Variants in SHANK2 observed in about 807,000 individuals in gnomAD.
SHANK2 encodes the protein SH3 and multiple ankyrin repeat domains protein 2.
A neutral mutation model predicts 133.7 loss-of-function variants in SHANK2; 43 were observed. That is an observed-to-expected ratio of 0.32 (90% confidence interval 0.25 to 0.41). The LOEUF (loss-of-function observed/expected upper bound fraction) is 0.41. Ranked by LOEUF, SHANK2 falls within the 10% of genes least tolerant of loss-of-function variation. SHANK2 has a pLI of 1.00. For missense variants in SHANK2, 1,994 were observed against 2,235.8 expected (o/e 0.89, Z 2.18); for synonymous variants, 1,017 against 952.8 (o/e 1.07, Z -1.24).
In SHANK2 at chr11:70,485,411, T is replaced by G; in HGVS notation, c.4882A>C (p.Asn1628His). 6.2e-7 allele frequency: 1 copy of G among 1,614,058 alleles called. No homozygotes were observed. The highest frequency in any genetic ancestry group is 8.5e-7 in the Non-Finnish European group (1 of 1,180,032). Residue 1628 changes from asparagine to histidine, a missense_variant, in exon 25 of 26, where the codon AAC becomes CAC. Around this residue, in one of 5 missense-constraint regions of SHANK2, gnomAD observed 797 missense variants for 907.4 expected, o/e 0.88. Coordinates refer to ENST00000601538, the MANE Select transcript of SHANK2 (RefSeq NM_012309.5). The surrounding 1 kb of genome is among the most constrained non-coding windows in gnomAD (Gnocchi z 5.8). ...GPKANVISEL[N>H]SILQQMNREK... is the part of the protein sequence containing the mutation. ...CGGTTCATTTGCTGTAGGATAGAGTTCAATTCACTAATAACGTTTGCCTTT... is the reference window on the plus strand; with the variant it reads ...CGGTTCATTTGCTGTAGGATAGAGTGCAATTCACTAATAACGTTTGCCTTT...
intron 6 of SHANK2, among the ~76,000 whole-genome samples, chr11:71,108,405 C>T (rs78679999): frequency 0.022 from 3,321 of 152,320 alleles, 128 homozygotes; most frequent in African/African-American, 0.077. Flanking sequence ...CACTGCCTGC[C>T]CCACAGCTGA....
chr11:70,952,606 G>T lies in SHANK2; in HGVS notation c.1108-56039C>A. On this transcript the variant is annotated intron_variant, in intron 10 of 25. Transcript: ENST00000601538. The stretch of plus-strand genomic sequence containing the variant: ...AAACTGTTCTCAAGTTGGCTCCTAT[G>T]CCGTGGCTTTTCTGTGTGGCTTTCG... The T allele has an allele frequency of 1.2e-5, 3 of 256,156 alleles. 1 individual carries two copies. Among genetic ancestry groups the T allele is most frequent in the South Asian group, 1.1e-4 (3 of 26,466 alleles). The allele number at this position is 256,156 out of a possible 1,614,324, so 15.9% of individuals were successfully genotyped here.
intron 11 of SHANK2, among the ~76,000 whole-genome samples, chr11:70,839,253 G>T (rs1452759863): frequency 1.3e-5 from 2 of 152,190 alleles, no homozygotes; most frequent in Non-Finnish European, 2.9e-5. Flanking sequence ...AAACATGTGG[G>T]CTCCAGAACT....
At chr11:71,241,984 C>G (rs1392092335) in intron 1 of SHANK2, among the ~76,000 whole-genome samples, 4 of 152,168 alleles carry the variant, frequency 2.6e-5, no homozygotes, top group Non-Finnish European at 4.4e-5. Context: ...GTGAAGCCAC[C>G]CAGGTCCTCA....
intron 17 of SHANK2, among the ~76,000 whole-genome samples, chr11:70,641,849 T>A (rs189067792): frequency 1.3e-5 from 2 of 152,248 alleles, no homozygotes; most frequent in African/African-American, 4.8e-5. Flanking sequence ...ACACCCGAGA[T>A]CCCTGGGCTG....
rs531907782 is a variant in SHANK2, at chr11:71,114,786, T to A, written c.412-1422A>T. 2.2e-4 allele frequency among the ~76,000 whole-genome samples: 33 copies of A among 152,214 alleles called. No homozygotes were observed. The South Asian group carries it at 6.7e-3, about 31-fold the overall frequency. ...TCCAGATTTCAGAAGCCACTGAGAA[T>A]GATGCCAGGTGCCTTCTCAGGCTCA... On this transcript the variant is annotated intron_variant, in intron 4 of 25. Coordinates refer to ENST00000601538, the MANE Select transcript of SHANK2 (RefSeq NM_012309.5).
chr11:71,187,036 C>T (rs782799201), intron 2 of SHANK2, among the ~76,000 whole-genome samples: 2 of 152,238 alleles, frequency 1.3e-5, no homozygotes, highest in Non-Finnish European at 2.9e-5. Context: ...GAGAAACTAG[C>T]TTGGTTTCTA....
rs138838374 is a variant in SHANK2 at position 70,502,822 on chromosome 11, T to C, written c.2171A>G (p.Asp724Gly). 3.4e-6 allele frequency: 5 copies of C among 1,490,538 alleles called. No homozygotes were observed. Among genetic ancestry groups the C allele is most frequent in the African/African-American group, 1.5e-5 (1 of 64,936 alleles). 92.3% of individuals were successfully genotyped at this position (1,490,538 alleles called of 1,614,324 possible). A position where few individuals can be genotyped will look rare whatever the true frequency, so the allele number is the denominator to read the frequency against. The change falls in exon 18 of 26, where the codon GAC becomes GGC. Residue 724 changes from aspartate to glycine, a missense_variant. Around this residue, in one of 5 missense-constraint regions of SHANK2, gnomAD observed 488 missense variants for 642.6 expected, o/e 0.76. Coordinates refer to ENST00000601538, the MANE Select transcript of SHANK2 (RefSeq NM_012309.5). ...TTTCTTCCTGGCGGTGTCGTCGGGG[T>C]CCAGATTCCTGGTCACCGTGACCAC... is the stretch of plus-strand genomic sequence containing the variant. The part of the protein sequence containing the change: ...LKVVTVTRNL[D>G]PDDTARKKAP...
In SHANK2 at chr11:70,485,544, C is replaced by T. The variant is rs373358504; in HGVS notation, c.4749G>A (p.Pro1583=). 9.1e-5 allele frequency: 146 copies of T among 1,610,428 alleles called. No individual in the cohort carries two copies. The African/African-American group carries it at 1.4e-3, about 16-fold the overall frequency. Reference sequence around the variant, plus strand: ...CAGGCTGGGCACTGCCCGGCGGGGGCGGGGGAGCGGGCGGGGGGATAACAA... The same window carrying T: ...CAGGCTGGGCACTGCCCGGCGGGGGTGGGGGAGCGGGCGGGGGGATAACAA... The part of the protein sequence containing the change: ...DSFVIPPPAP[P]PPPGSAQPGM... The change falls in exon 25 of 26, where the codon CCG becomes CCA. Residue 1583 remains proline (P), a synonymous_variant. Coordinates refer to ENST00000601538, the MANE Select transcript of SHANK2 (RefSeq NM_012309.5). This position sits in a 1 kb window ranked among gnomAD's most constrained non-coding sequence, Gnocchi z 5.8.
intron 11 of SHANK2, chr11:70,873,226 T>C: frequency 2.3e-6 from 1 of 428,880 alleles, no homozygotes; most frequent in Non-Finnish European, 4.9e-6. Context: ...GTTTTGCCTT[T>C]CAAATGCATT....
chr11:70,525,824 G>C (rs1554972017), intron 17 of SHANK2, among the ~76,000 whole-genome samples: 1 of 151,952 alleles, frequency 6.6e-6, no homozygotes, highest in Non-Finnish European at 1.5e-5. Flanking sequence ...TTGTGGAGGT[G>C]ATGGCGGGAA....
chr11:70,523,198 G>A (rs1309131191), intron 17 of SHANK2, among the ~76,000 whole-genome samples: 5 of 152,206 alleles, frequency 3.3e-5, no homozygotes, highest in African/African-American at 1.2e-4. Flanking sequence ...TGCACACCGG[G>A]AGGCCTCTCT....
chr11:70,643,635 G>C (rs1591694844), intron 17 of SHANK2, among the ~76,000 whole-genome samples: 2 of 151,434 alleles, frequency 1.3e-5, no homozygotes, highest in Non-Finnish European at 2.9e-5. Flanking sequence ...CCTGTGGTTA[G>C]TATTTGGGAT....
At position 71,122,267 on chromosome 11, in the gene SHANK2, C is replaced by T. The variant is rs1398225050; in HGVS notation, c.208-3235G>A. 2.0e-5 allele frequency among the ~76,000 whole-genome samples: 3 copies of T among 152,166 alleles called. No homozygotes were observed. The East Asian group carries it at 5.8e-4, about 29-fold the overall frequency. ...AACCCAAATGTCCATCAATGATAGA[C>T]TGGATTAAGAAAATGTGGCACATAT... On this transcript the variant is annotated intron_variant, in intron 3 of 25. Transcript: ENST00000601538.
At chr11:70,871,135 C>A (rs966609962) in intron 11 of SHANK2, among the ~76,000 whole-genome samples, 15 of 152,170 alleles carry the variant, frequency 9.9e-5, no homozygotes, top group Non-Finnish European at 2.2e-4. Flanking sequence ...AATCTAATGA[C>A]CTCATTTTCA....
intron 6 of SHANK2, among the ~76,000 whole-genome samples, chr11:71,098,540 C>T (rs1951666396): frequency 6.6e-6 from 1 of 152,162 alleles, no homozygotes; most frequent in Admixed American, 6.5e-5. Context: ...GAGAAGACCA[C>T]AGAACATATC....
Position 70,727,057 on chromosome 11 carries a change from C to T in SHANK2, c.1778-28294G>A, listed in dbSNP as rs1345831268. On this transcript the variant is annotated intron_variant, in intron 14 of 25. Coordinates refer to ENST00000601538, the MANE Select transcript of SHANK2 (RefSeq NM_012309.5). ...ACTTACAGAATCATGAGACAAATGA[C>T]GGTTGTTTTAAGCCACTAACTTTTG... Among the ~76,000 whole-genome samples, 5 of 152,190 alleles carry T rather than the reference C, an allele frequency of 3.3e-5. No individual in the cohort carries two copies. In the South Asian group the frequency reaches 6.2e-4, roughly 19 times the overall value.
At chr11:70,560,679 T>A (rs1554980648) in intron 17 of SHANK2, among the ~76,000 whole-genome samples, 1 of 151,970 alleles carries the variant, frequency 6.6e-6, no homozygotes, top group African/African-American at 2.4e-5. Flanking sequence ...TCACCCAGGC[T>A]GGAGCGCAGT....
At chr11:70,599,851 A>T (rs561105375) in intron 17 of SHANK2, among the ~76,000 whole-genome samples, 1 of 130,852 alleles carries the variant, frequency 7.6e-6, no homozygotes, top group East Asian at 2.1e-4. Context: ...GAGAGAACGA[A>T]AGAAAGAAAT....
Sources: allele counts gnomAD v4.1 joint callset (sites outside exome capture counted in the v4.1 genomes callset), GRCh38; gene constraint gnomAD v4.1.1; regional missense constraint gnomAD v4.1.1; non-coding constraint Gnocchi (gnomAD v3.1); transcripts MANE v1.5; gene names NCBI Gene and HGNC (gene_info 2026-07-23, HGNC 2026-07-21).